ODAD2: variants seen among roughly 807,000 people sequenced by gnomAD.
ODAD2 encodes the protein outer dynein arm docking complex subunit 2.
A neutral mutation model predicts 106.8 loss-of-function variants in ODAD2; 89 were observed. The observed-to-expected ratio is 0.83, with a 90% CI of 0.70 to 0.99. The LOEUF (loss-of-function observed/expected upper bound fraction) is 0.99, where lower values mean the gene tolerates loss of function less well. ODAD2 is among the 50% of genes least tolerant of loss of function. The pLI, the probability that ODAD2 is intolerant of heterozygous loss-of-function variation, is 0.00. For synonymous variants in ODAD2, 404 were observed against 436.2 expected, an observed-to-expected ratio of 0.93 and a Z score of 0.92; for missense variants, 1,168 against 1,238.5, an observed-to-expected ratio of 0.94 and a Z score of 0.85.
intron 16 of ODAD2, among the ~76,000 whole-genome samples, chr10:27,927,944 C>G (rs2134023711): frequency 6.6e-6 from 1 of 152,056 alleles, no homozygotes; most frequent in African/African-American, 2.4e-5. Context: ...TATTATACAC[C>G]CAACCCATCC....
At chr10:27,995,302 T>C in intron 1 of ODAD2, 122 bp from the exon 2 acceptor site, 1 of 1,109,592 alleles carries the variant, frequency 9.0e-7, no homozygotes, top group Non-Finnish European at 1.2e-6. Context: ...TCTTGGAAGA[T>C]TCTTTTAACA....
At chr10:27,914,733 C>T (rs1257022328) in intron 16 of ODAD2, among the ~76,000 whole-genome samples, 1 of 151,562 alleles carries the variant, frequency 6.6e-6, no homozygotes, top group East Asian at 1.9e-4. Flanking sequence ...TATACACATA[C>T]TTTATATATG....
rs1226030905 is a variant in ODAD2, at chr10:27,860,709, C to T, written c.2937G>A (p.Val979=). 1 of 1,614,160 alleles carries T rather than the reference C, an allele frequency of 6.2e-7. No homozygotes were observed. The highest frequency in any genetic ancestry group is 8.5e-7 in the Non-Finnish European group (1 of 1,180,018). The change falls in exon 19 of 20, where the codon GTG becomes GTA. Residue 979 remains valine (V), a synonymous_variant. Coordinates refer to ENST00000305242, the MANE Select transcript of ODAD2 (RefSeq NM_018076.5). ...ACAAGGCCTGAGCTGTCGCCCGATG[C>T]ACGTTGGTGTCATTTGATTTCAGAT... The part of the protein sequence containing the change: ...VRYLKSNDTN[V]HRATAQALYQ...
intron 17 of ODAD2, among the ~76,000 whole-genome samples, chr10:27,906,412 G>T (rs1843592225): frequency 6.6e-6 from 1 of 152,198 alleles, no homozygotes; most frequent in African/African-American, 2.4e-5. Flanking sequence ...CACTGTTGGT[G>T]GGAGTGTAAA....
intron 19 of ODAD2, among the ~76,000 whole-genome samples, chr10:27,847,617 A>C (rs1838880988): frequency 1.3e-5 from 2 of 152,268 alleles, no homozygotes; most frequent in South Asian, 2.1e-4. Flanking sequence ...AATTAGGAAA[A>C]GAGGAAGTCA....
At chr10:27,935,328 C>T in intron 15 of ODAD2, 76 bp from the exon 16 acceptor site, 2 of 1,536,126 alleles carry the variant, frequency 1.3e-6, no homozygotes, top group East Asian at 2.3e-5. Context: ...TTCATTCAAT[C>T]CTTACAACAA....
Position 27,909,617 on chromosome 10 carries a change from A to T in ODAD2, c.2496-1840T>A, listed in dbSNP as rs192108045. Among the ~76,000 whole-genome samples, 605 of 152,140 alleles carry T rather than the reference A, an allele frequency of 4.0e-3. 3 individuals are homozygous for T. The highest frequency in any genetic ancestry group is 0.014 in the African/African-American group (588 of 41,512). On this transcript the variant is annotated intron_variant, in intron 16 of 19. Coordinates refer to ENST00000305242, the MANE Select transcript of ODAD2 (RefSeq NM_018076.5). The stretch of plus-strand genomic sequence containing the variant: ...CAGATCACTTGAGGTCAGGAGTTCA[A>T]GACCAGCCTGGCCAATGTGGCTAAA...
chr10:27,864,652 G>C (rs1034686079), intron 17 of ODAD2, among the ~76,000 whole-genome samples: 2 of 151,442 alleles, frequency 1.3e-5, no homozygotes, highest in South Asian at 4.2e-4. Context: ...GGGTGATAGT[G>C]GGCTCTTTCT....
intron 17 of ODAD2, among the ~76,000 whole-genome samples, chr10:27,863,236 C>T (rs1465143070): frequency 6.6e-6 from 1 of 152,126 alleles, no homozygotes; most frequent in African/African-American, 2.4e-5. Context: ...GCCTTCTTGC[C>T]CTTACAAACC....
chr10:27,904,327 G>T, intron 17 of ODAD2: 1 of 317,538 alleles, frequency 3.1e-6, no homozygotes, highest in South Asian at 3.2e-5. Flanking sequence ...GGAACATGGC[G>T]TCATGGCAGG....
At chr10:27,999,517 G>A (rs1850749627), upstream of ODAD2, among the ~76,000 whole-genome samples, 1 of 152,168 alleles carries the variant, frequency 6.6e-6, no homozygotes, top group Non-Finnish European at 1.5e-5. Flanking sequence ...CAATAGGGCA[G>A]AGGATCGGAG....
At chr10:27,855,714 G>A (rs1839606773) in intron 19 of ODAD2, among the ~76,000 whole-genome samples, 1 of 152,076 alleles carries the variant, frequency 6.6e-6, no homozygotes, top group South Asian at 2.1e-4. Flanking sequence ...TCTCTGGAAC[G>A]CCAGTACATG....
chr10:27,938,796 C>G (rs1471245845), intron 14 of ODAD2, among the ~76,000 whole-genome samples: 1 of 151,956 alleles, frequency 6.6e-6, no homozygotes, highest in African/African-American at 2.4e-5. Flanking sequence ...GACGGGGTTG[C>G]ACCATGTTGG....
At chr10:27,869,574 GC>G (rs1353481228) in intron 17 of ODAD2, among the ~76,000 whole-genome samples, 2 of 133,570 alleles carry the variant, frequency 1.5e-5, no homozygotes, top group African/African-American at 5.7e-5. Context: ...TCACTCTTTT[GC>G]CCAGGCTGGA....
At chr10:27,955,960 T>C (rs141757160) in intron 10 of ODAD2, among the ~76,000 whole-genome samples, 1 of 152,158 alleles carries the variant, frequency 6.6e-6, no homozygotes, top group African/African-American at 2.4e-5. Flanking sequence ...GATTAGAGTA[T>C]TGACCACTAC....
chr10:27,901,331 A>C (rs1447087063), intron 17 of ODAD2, among the ~76,000 whole-genome samples: 1 of 152,234 alleles, frequency 6.6e-6, no homozygotes, highest in Non-Finnish European at 1.5e-5. Flanking sequence ...TTTGGAAAGG[A>C]AAAACCGGGA....
chr10:27,913,131 C>G (rs1414488970), intron 16 of ODAD2, among the ~76,000 whole-genome samples: 1 of 151,904 alleles, frequency 6.6e-6, no homozygotes, highest in Non-Finnish European at 1.5e-5. Flanking sequence ...TATGTTTCTC[C>G]TTTTTTCAAC....
intron 19 of ODAD2, among the ~76,000 whole-genome samples, chr10:27,858,647 G>A (rs1440213159): frequency 1.4e-5 from 1 of 70,236 alleles, no homozygotes; most frequent in Non-Finnish European, 4.1e-5. Flanking sequence ...CTAACTGTGT[G>A]GGTGGGCCAA....
chr10:27,995,813 C>G (rs1346824340), intron 1 of ODAD2: 1 of 152,104 alleles, frequency 6.6e-6, no homozygotes, highest in African/African-American at 2.4e-5. Context: ...ATCCTATTAC[C>G]AGAATATCTG....
Sources: gnomAD v4.1 joint callset for allele counts (sites outside exome capture counted in the v4.1 genomes callset) on GRCh38, gnomAD v4.1.1 for gene constraint, MANE v1.5 for transcripts, NCBI Gene and HGNC (gene_info 2026-07-23, HGNC 2026-07-21) for gene names.